NBAS: variants seen among roughly 807,000 people sequenced by gnomAD.
NBAS encodes the protein NBAS subunit of NRZ tethering complex.
Under a neutral mutation model 302.5 loss-of-function variants are expected in NBAS, and 219 were observed. The ratio of observed to expected loss-of-function variants is 0.72; its 90% CI spans 0.65 to 0.81. The LOEUF (loss-of-function observed/expected upper bound fraction) is 0.81. NBAS is among the 30% of genes least tolerant of loss of function. NBAS has a pLI of 0.00. For synonymous variants in NBAS, 1,118 were observed against 1,021.6 expected (o/e 1.09, Z -1.80); for missense variants, 2,932 against 2,841.6 (o/e 1.03, Z -0.72).
chr2:15,070,779 A>G, the NBAS span, among the ~76,000 whole-genome samples: 1 of 152,238 alleles, frequency 6.6e-6, no homozygotes, highest in Non-Finnish European at 1.5e-5. Flanking sequence ...ATACATGATC[A>G]CGTTGTTACA....
the NBAS span, among the ~76,000 whole-genome samples, chr2:14,989,720 T>A: frequency 6.6e-6 from 1 of 152,118 alleles, no homozygotes; most frequent in Admixed American, 6.5e-5. Context: ...GCCTTCAGTA[T>A]AAAACATCAC....
At chr2:15,216,308 A>G (rs918873642) in intron 48 of NBAS, among the ~76,000 whole-genome samples, 1 of 152,212 alleles carries the variant, frequency 6.6e-6, no homozygotes, top group African/African-American at 2.4e-5. Flanking sequence ...CGAGAAAACA[A>G]AAAGAGTGAG....
Position 15,371,565 on chromosome 2 carries a change from T to C in NBAS, c.3703+3043A>G, listed in dbSNP as rs140821042. 7.2e-5 allele frequency among the ~76,000 whole-genome samples: 11 copies of C among 152,308 alleles called. 1 individual carries two copies. The South Asian group carries it at 1.5e-3, about 20-fold the overall frequency. ...TATTATTATCCCAATCTGAGAAATG[T>C]GAAGCTCAAAGATACTGTTGCCACA... On this transcript the variant is annotated intron_variant, in intron 31 of 51. Coordinates refer to ENST00000281513, the MANE Select transcript of NBAS (RefSeq NM_015909.4).
the NBAS span, among the ~76,000 whole-genome samples, chr2:15,033,981 AGAG>A: frequency 9.8e-6 from 1 of 102,164 alleles, no homozygotes; most frequent in Non-Finnish European, 1.8e-5. Flanking sequence ...GAAAAGAGGA[AGAG>A]GAAGAAGAAG....
the NBAS span, among the ~76,000 whole-genome samples, chr2:15,085,189 G>T: frequency 6.6e-6 from 1 of 152,196 alleles, no homozygotes; most frequent in Non-Finnish European, 1.5e-5. Flanking sequence ...GAGTGCGGGG[G>T]CCGGTTCCGG....
At chr2:14,879,163 A>C in the NBAS span, among the ~76,000 whole-genome samples, 1 of 152,222 alleles carries the variant, frequency 6.6e-6, no homozygotes, top group African/African-American at 2.4e-5. Flanking sequence ...ACTGAATAAT[A>C]TTCCATTGGC....
chr2:15,389,987 C>T (rs1321450884), intron 28 of NBAS, among the ~76,000 whole-genome samples: 2 of 152,176 alleles, frequency 1.3e-5, no homozygotes, highest in Non-Finnish European at 2.9e-5. Context: ...GCAGATAAAG[C>T]ACATGCAGGA....
intron 46 of NBAS, among the ~76,000 whole-genome samples, chr2:15,233,598 G>T (rs1667469620): frequency 6.6e-6 from 1 of 152,072 alleles, no homozygotes. Context: ...GAGGACACTG[G>T]TTCATATAAT....
Position 15,396,456 on chromosome 2 carries a change from T to C in NBAS, c.3091A>G (p.Thr1031Ala). 6.2e-7 allele frequency: 1 copy of C among 1,604,280 alleles called. No individual in the cohort carries two copies. Among genetic ancestry groups the C allele is most frequent in the Non-Finnish European group, 8.5e-7 (1 of 1,176,114 alleles). Residue 1031 changes from threonine to alanine, a missense_variant, in exon 27 of 52, where the codon ACA becomes GCA. Physicochemically the swap from Thr to Ala is moderately conservative, Grantham distance 58. Transcript: ENST00000281513. ...RGYGDKTEAT[T>A]KLHDMVDQLE... ...TGGTCTACCATGTCATGAAGCTTTG[T>C]GGTTGCCTCTGTCTTATCACTAATA... is the stretch of plus-strand genomic sequence containing the variant.
intron 41 of NBAS, among the ~76,000 whole-genome samples, chr2:15,290,438 T>C (rs965062724): frequency 9.2e-5 from 14 of 152,220 alleles, no homozygotes; most frequent in Non-Finnish European, 1.6e-4. Flanking sequence ...AAATAGCATA[T>C]GCTAGCTGTA....
chr2:14,854,875 G>A, the NBAS span, among the ~76,000 whole-genome samples: 4 of 152,204 alleles, frequency 2.6e-5, no homozygotes, highest in African/African-American at 9.7e-5. Context: ...GTGAGTCCTA[G>A]TGATGAAATA....
chr2:14,820,817 G>A, the NBAS span, among the ~76,000 whole-genome samples: 3 of 152,150 alleles, frequency 2.0e-5, no homozygotes, highest in African/African-American at 7.2e-5. Flanking sequence ...CCATCAGGAG[G>A]GTCACCTCAC....
chr2:15,521,973 T>C (rs376618814), intron 9 of NBAS, among the ~76,000 whole-genome samples: 32 of 152,176 alleles, frequency 2.1e-4, no homozygotes, highest in Non-Finnish European at 4.1e-4. Flanking sequence ...TTACAGGAAG[T>C]GTGCTGACCG....
At chr2:15,369,903 AAAG>A (rs1674401717) in intron 31 of NBAS, among the ~76,000 whole-genome samples, 1 of 152,232 alleles carries the variant, frequency 6.6e-6, no homozygotes, top group East Asian at 1.9e-4. Flanking sequence ...ATGCCCCTCA[AAAG>A]ATAGCTGTGC....
chr2:15,353,755 A>C, intron 33 of NBAS, 45 bp from the exon 34 acceptor site: 1 of 1,613,296 alleles, frequency 6.2e-7, no homozygotes, highest in East Asian at 2.2e-5. Flanking sequence ...AAGAAGAAGA[A>C]TATTCAATCT....
the NBAS span, among the ~76,000 whole-genome samples, chr2:15,027,105 G>A: frequency 6.6e-6 from 1 of 151,886 alleles, no homozygotes; most frequent in Non-Finnish European, 1.5e-5. Flanking sequence ...ATAAACTTTA[G>A]GATCATTGTC....
intron 25 of NBAS, among the ~76,000 whole-genome samples, chr2:15,413,784 G>T (rs1036001868): frequency 6.6e-6 from 1 of 152,164 alleles, no homozygotes; most frequent in South Asian, 2.1e-4. Context: ...CATATATGTT[G>T]CAGGAAGACA....
At chr2:15,298,924 C>T (rs1670673249) in intron 40 of NBAS, among the ~76,000 whole-genome samples, 1 of 152,086 alleles carries the variant, frequency 6.6e-6, no homozygotes, top group African/African-American at 2.4e-5. Flanking sequence ...TGACTCAAGC[C>T]ACCTGGCTTC....
intron 21 of NBAS, among the ~76,000 whole-genome samples, chr2:15,455,782 T>C (rs1178006445): frequency 7.2e-6 from 1 of 139,200 alleles, no homozygotes; most frequent in Non-Finnish European, 1.6e-5. Context: ...CTCTTGCTCC[T>C]ACGCTACACT....
Sources: allele counts gnomAD v4.1 joint callset (sites outside exome capture counted in the v4.1 genomes callset), GRCh38; gene constraint gnomAD v4.1.1; transcripts MANE v1.5; gene names NCBI Gene and HGNC (gene_info 2026-07-23, HGNC 2026-07-21).